The following FAM222B variants were observed in gnomAD, a reference collection of about 807,000 sequenced individuals.
FAM222B encodes protein FAM222B.
Under a neutral mutation model 38.0 loss-of-function variants are expected in FAM222B, and 12 were observed. That is an observed-to-expected ratio of 0.32 (90% CI 0.20 to 0.51). FAM222B has a LOEUF of 0.51. FAM222B is among the 20% of genes least tolerant of loss of function. The probability of loss-of-function intolerance (pLI) is 0.97; values close to 1 mark genes in which losing one functional copy is unlikely to be tolerated. For synonymous variants in FAM222B, 329 were observed against 317.2 expected, an observed-to-expected ratio of 1.04 and a Z score of -0.40; for missense variants, 716 against 754.2, an observed-to-expected ratio of 0.95 and a Z score of 0.59.
At chr17:28,822,854 T>A (rs1312881021) in intron 1 of FAM222B, among the ~76,000 whole-genome samples, 18 of 99,684 alleles carry the variant, frequency 1.8e-4, no homozygotes, top group African/African-American at 7.7e-4. Flanking sequence ...TATATATATA[T>A]ATATATATAT....
At chr17:28,849,563 T>C (rs774747656) in intron 1 of FAM222B, 1 of 152,292 alleles carries the variant, frequency 6.6e-6, no homozygotes, top group Non-Finnish European at 1.5e-5. Context: ...TCCAAGAAGC[T>C]GCAACACCCA....
chr17:28,821,944 G>A (rs568619104), intron 1 of FAM222B, among the ~76,000 whole-genome samples: 56 of 152,078 alleles, frequency 3.7e-4, no homozygotes, highest in South Asian at 6.2e-4. Context: ...CAGCCTGGGC[G>A]ACAGAGCAAG....
At chr17:28,795,582 C>T (rs954727324) in intron 1 of FAM222B, among the ~76,000 whole-genome samples, 2 of 152,172 alleles carry the variant, frequency 1.3e-5, no homozygotes, top group Non-Finnish European at 2.9e-5. Context: ...CATGTGCCAC[C>T]ACACCCAGCT....
chr17:28,810,419 G>C (rs1195333663), intron 1 of FAM222B, among the ~76,000 whole-genome samples: 1 of 151,502 alleles, frequency 6.6e-6, no homozygotes, highest in African/African-American at 2.4e-5. Flanking sequence ...AGCTAACTTT[G>C]TTTTACATAC....
chr17:28,843,136 G>A (rs1274005847), upstream of FAM222B, among the ~76,000 whole-genome samples: 3 of 139,288 alleles, frequency 2.2e-5, no homozygotes, highest in Non-Finnish European at 3.1e-5. Context: ...ATAAATTTGG[G>A]TCTTTTTTTT....
intron 1 of FAM222B, among the ~76,000 whole-genome samples, chr17:28,823,362 ATTT>A (rs35057595): frequency 7.2e-6 from 1 of 139,650 alleles, no homozygotes; most frequent in Middle Eastern, 3.4e-3. Context: ...ACTCCGTTCT[ATTT>A]TTTTTTTTTT....
chr17:28,760,363 T>C (rs984633033), intron 2 of FAM222B, among the ~76,000 whole-genome samples: 2 of 151,948 alleles, frequency 1.3e-5, no homozygotes, highest in African/African-American at 4.8e-5. Context: ...TCATCTGAGG[T>C]CAGGAGTTCA....
intron 1 of FAM222B, among the ~76,000 whole-genome samples, chr17:28,783,084 G>A (rs1390409801): frequency 1.3e-5 from 2 of 149,998 alleles, no homozygotes; most frequent in Non-Finnish European, 3.0e-5. Context: ...CTTGCAGTGA[G>A]CCAAGATCGT....
chr17:28,846,151 C>T (rs61461033), upstream of FAM222B, among the ~76,000 whole-genome samples: 1 of 146,662 alleles, frequency 6.8e-6, no homozygotes, highest in African/African-American at 2.5e-5. Flanking sequence ...TGCAGTGAGC[C>T]GAGACCATGC....
intron 1 of FAM222B, among the ~76,000 whole-genome samples, chr17:28,767,408 T>TCC (rs747862352): frequency 4.6e-5 from 7 of 152,038 alleles, no homozygotes; most frequent in Non-Finnish European, 1.0e-4. Context: ...TCCGCCCACC[T>TCC]CGGCCTCCCA....
chr17:28,828,167 A>G (rs975519177), intron 1 of FAM222B, among the ~76,000 whole-genome samples: 4 of 127,536 alleles, frequency 3.1e-5, no homozygotes, highest in Non-Finnish European at 4.6e-5. Context: ...CTGGAGTGCA[A>G]TGGTGCGATC....
chr17:28,837,873 G>A (rs1027861445), intron 1 of FAM222B, among the ~76,000 whole-genome samples: 2 of 152,050 alleles, frequency 1.3e-5, no homozygotes, highest in African/African-American at 4.8e-5. Flanking sequence ...GGCTGGTCTT[G>A]AATTCCTGAC....
chr17:28,835,964 C>A (rs2038833261), intron 1 of FAM222B, among the ~76,000 whole-genome samples: 1 of 151,378 alleles, frequency 6.6e-6, no homozygotes, highest in Admixed American at 6.6e-5. Context: ...CATGAACCAC[C>A]ATGCCAACTT....
chr17:28,804,943 G>A (rs2037410266), intron 1 of FAM222B, among the ~76,000 whole-genome samples: 1 of 151,972 alleles, frequency 6.6e-6, no homozygotes, highest in Admixed American at 6.6e-5. Flanking sequence ...CTACTCGGGA[G>A]GCTGAGGCGG....
chr17:28,771,983 G>C (rs2035655438), intron 1 of FAM222B, among the ~76,000 whole-genome samples: 1 of 152,152 alleles, frequency 6.6e-6, no homozygotes, highest in Non-Finnish European at 1.5e-5. Context: ...CATGAACCCG[G>C]GAGGCGGAGC....
At chr17:28,822,162 C>T (rs899440921) in intron 1 of FAM222B, among the ~76,000 whole-genome samples, 20 of 149,740 alleles carry the variant, frequency 1.3e-4, no homozygotes, top group Non-Finnish European at 2.4e-4. Context: ...GCTGGGACTA[C>T]GGGCACGCGC....
At chr17:28,769,740 C>T (rs2035532299) in intron 1 of FAM222B, among the ~76,000 whole-genome samples, 1 of 152,248 alleles carries the variant, frequency 6.6e-6, no homozygotes, top group Non-Finnish European at 1.5e-5. Context: ...CTGACCTACC[C>T]TGCCCTCTCT....
intron 1 of FAM222B, chr17:28,812,494 T>A (rs2037829012): frequency 1.3e-5 from 2 of 150,784 alleles, no homozygotes; most frequent in Admixed American, 1.3e-4. Context: ...CCACCCTGGC[T>A]CTTCGCGAGC....
At position 28,758,339 on chromosome 17, in the gene FAM222B, G is replaced by A. The variant is rs751591108; in HGVS notation, c.1620C>T (p.Ala540=). 6.2e-7 allele frequency: 1 copy of A among 1,612,272 alleles called. No homozygotes were observed. Among genetic ancestry groups the A allele is most frequent in the Non-Finnish European group, 8.5e-7 (1 of 1,179,254 alleles). Residue 540 remains alanine, a synonymous_variant, in exon 3 of 3, where the codon GCC becomes GCT. Coordinates refer to ENST00000581407, the MANE Select transcript of FAM222B (RefSeq NM_001077498.3). ...SLAMLSKAHR[A]PGNRAPDPTE... ...TGGGATCGGGGGCTCGGTTGCCAGG[G>A]GCTCGGTGGGCCTTGCTCAGCATGG...
Sources: allele counts gnomAD v4.1 joint callset (sites outside exome capture counted in the v4.1 genomes callset), GRCh38; gene constraint gnomAD v4.1.1; transcripts MANE v1.5; gene names NCBI Gene and HGNC (gene_info 2026-07-23, HGNC 2026-07-21).